ST6GALNAC3: variants seen among roughly 807,000 people sequenced by gnomAD.
ST6GALNAC3 encodes alpha-N-acetylgalactosaminide alpha-2,6-sialyltransferase 3.
In ST6GALNAC3, 25 loss-of-function variants were observed where a neutral mutation model predicts 32.7. The observed-to-expected ratio is 0.76, with a 90% confidence interval of 0.56 to 1.07. The LOEUF (loss-of-function observed/expected upper bound fraction) is 1.07. Ranked by LOEUF, ST6GALNAC3 falls within the 50% of genes least tolerant of loss-of-function variation. ST6GALNAC3 has a pLI of 0.00. For synonymous variants in ST6GALNAC3, 129 were observed against 133.1 expected, an observed-to-expected ratio of 0.97 and a Z score of 0.21; for missense variants, 355 against 382.4, an observed-to-expected ratio of 0.93 and a Z score of 0.60.
At position 76,190,837 on chromosome 1, in the gene ST6GALNAC3, C is replaced by T. The variant is rs574104540; in HGVS notation, c.18+115953C>T. 9.2e-5 allele frequency among the ~76,000 whole-genome samples: 14 copies of T among 152,216 alleles called. 1 individual carries two copies. In the East Asian group the frequency reaches 2.7e-3, roughly 29 times the overall value. ...TTATATTTATTTGATATTTATACTC[C>T]CATCCCCAGAAGCCCATTTAAAAAT... On this transcript the variant is annotated intron_variant, in intron 1 of 4. Transcript: ENST00000328299.
intron 3 of ST6GALNAC3, among the ~76,000 whole-genome samples, chr1:76,578,150 C>T (rs905999419): frequency 2.6e-5 from 4 of 152,032 alleles, no homozygotes; most frequent in Non-Finnish European, 5.9e-5. Flanking sequence ...GATGTACATG[C>T]CACATATTTG....
Position 76,316,099 on chromosome 1 carries a change from T to C in ST6GALNAC3, c.213+2100T>C, listed in dbSNP as rs77753671. Among the ~76,000 whole-genome samples the C allele has an allele frequency of 2.0e-3, 310 of 152,174 alleles. 10 individuals are homozygous for C. In the East Asian group the frequency reaches 0.055, roughly 27 times the overall value. ...ATACTAATATACATGAAACGCCAGA[T>C]TGGCAAAAAATTAAGAAGTCTGACA... On this transcript the variant is annotated intron_variant, in intron 2 of 4. Transcript: ENST00000328299.
chr1:76,554,695 T>C (rs1477426323), intron 3 of ST6GALNAC3, among the ~76,000 whole-genome samples: 4 of 152,174 alleles, frequency 2.6e-5, no homozygotes, highest in Non-Finnish European at 4.4e-5. Flanking sequence ...TCTGAGAAAC[T>C]CTATTAACTT....
At chr1:76,134,716 G>C (rs774425384) in intron 1 of ST6GALNAC3, among the ~76,000 whole-genome samples, 369 of 152,334 alleles carry the variant, frequency 2.4e-3, no homozygotes, top group Non-Finnish European at 4.2e-3. Flanking sequence ...TGTTTTACCA[G>C]CTCTGGGGCA....
chr1:76,616,073 G>A (rs916107776), intron 3 of ST6GALNAC3, among the ~76,000 whole-genome samples: 6 of 152,184 alleles, frequency 3.9e-5, no homozygotes, highest in African/African-American at 1.4e-4. Context: ...GGGAGGGTGT[G>A]CACAGAAGAA....
chr1:76,112,534 T>A (rs1198772215), intron 1 of ST6GALNAC3, among the ~76,000 whole-genome samples: 4 of 150,746 alleles, frequency 2.7e-5, no homozygotes, highest in African/African-American at 4.9e-5. Flanking sequence ...CCCACCTCCC[T>A]CCCGGACGGG....
intron 2 of ST6GALNAC3, among the ~76,000 whole-genome samples, chr1:76,403,358 G>C (rs753386540): frequency 1.3e-5 from 2 of 152,066 alleles, no homozygotes; most frequent in Non-Finnish European, 2.9e-5. Flanking sequence ...TTGTCAATCT[G>C]TTAGTATTTG....
intron 2 of ST6GALNAC3, among the ~76,000 whole-genome samples, chr1:76,381,573 A>G (rs1651717142): frequency 6.6e-6 from 1 of 152,160 alleles, no homozygotes; most frequent in Non-Finnish European, 1.5e-5. Flanking sequence ...AGCTGAATAA[A>G]TTACTGTTTG....
chr1:76,204,807 A>G (rs545479300), intron 1 of ST6GALNAC3, among the ~76,000 whole-genome samples: 1 of 152,266 alleles, frequency 6.6e-6, no homozygotes, highest in East Asian at 1.9e-4. Context: ...AAATCGAGTG[A>G]GAGATAATAT....
At chr1:76,561,342 A>T (rs1665231070) in intron 3 of ST6GALNAC3, among the ~76,000 whole-genome samples, 2 of 152,248 alleles carry the variant, frequency 1.3e-5, no homozygotes, top group African/African-American at 2.4e-5. Flanking sequence ...TGTTTTAAAA[A>T]GACAATGAAA....
chr1:76,218,797 CT>C (rs1238693042), intron 1 of ST6GALNAC3, among the ~76,000 whole-genome samples: 1 of 152,176 alleles, frequency 6.6e-6, no homozygotes, highest in African/African-American at 2.4e-5. Context: ...AATCCCAGCT[CT>C]GCCACTTCAC....
At chr1:76,117,363 C>G (rs993089153) in intron 1 of ST6GALNAC3, among the ~76,000 whole-genome samples, 2 of 152,210 alleles carry the variant, frequency 1.3e-5, no homozygotes, top group African/African-American at 4.8e-5. Flanking sequence ...AGCAAAAACA[C>G]TTGGACAAGA....
intron 1 of ST6GALNAC3, among the ~76,000 whole-genome samples, chr1:76,252,360 G>A (rs532156151): frequency 4.3e-4 from 66 of 152,236 alleles, no homozygotes; most frequent in African/African-American, 1.5e-3. Context: ...AACCTTGAGG[G>A]TTTTGTGGGA....
chr1:76,563,202 T>C (rs953689971), intron 3 of ST6GALNAC3, among the ~76,000 whole-genome samples: 1 of 152,216 alleles, frequency 6.6e-6, no homozygotes, highest in Non-Finnish European at 1.5e-5. Flanking sequence ...GTTTTCAATC[T>C]TGTTTGGCAA....
At chr1:76,371,118 T>C (rs1650778510) in intron 2 of ST6GALNAC3, among the ~76,000 whole-genome samples, 1 of 152,160 alleles carries the variant, frequency 6.6e-6, no homozygotes, top group Admixed American at 6.6e-5. Flanking sequence ...TGATAATAAA[T>C]GTGAGAAATG....
intron 3 of ST6GALNAC3, among the ~76,000 whole-genome samples, chr1:76,426,849 T>A (rs1190712545): frequency 6.6e-6 from 1 of 152,000 alleles, no homozygotes; most frequent in African/African-American, 2.4e-5. Context: ...GCTCCGTTTA[T>A]AATCCTATGA....
intron 3 of ST6GALNAC3, among the ~76,000 whole-genome samples, chr1:76,505,774 A>G (rs1390936668): frequency 6.6e-6 from 1 of 152,160 alleles, no homozygotes; most frequent in African/African-American, 2.4e-5. Context: ...AGGCTACACT[A>G]TCATGAATCT....
chr1:76,180,860 A>C, intron 1 of ST6GALNAC3, among the ~76,000 whole-genome samples: 1 of 152,176 alleles, frequency 6.6e-6, no homozygotes, highest in East Asian at 1.9e-4. Context: ...CCATCCTTCA[A>C]GTCTGTGTGT....
chr1:76,263,360 A>T (rs1477794260), intron 1 of ST6GALNAC3, among the ~76,000 whole-genome samples: 1 of 151,752 alleles, frequency 6.6e-6, no homozygotes, highest in Non-Finnish European at 1.5e-5. Context: ...TTTATGATTG[A>T]ACTATAAATC....
Sources: allele counts gnomAD v4.1 joint callset (sites outside exome capture counted in the v4.1 genomes callset), GRCh38; gene constraint gnomAD v4.1.1; transcripts MANE v1.5; gene names NCBI Gene and HGNC (gene_info 2026-07-23, HGNC 2026-07-21).